Variants in TMEM63C observed in about 807,000 individuals in gnomAD.
The protein encoded by TMEM63C is osmosensitive cation channel TMEM63C.
Under a neutral mutation model 99.2 loss-of-function variants are expected in TMEM63C, and 32 were observed. That is an observed-to-expected ratio of 0.32 (90% CI 0.24 to 0.43). TMEM63C has a LOEUF of 0.43. Ranked by LOEUF, TMEM63C falls within the 20% of genes least tolerant of loss-of-function variation. TMEM63C has a pLI of 1.00. For synonymous variants in TMEM63C, 376 were observed against 397.9 expected, an observed-to-expected ratio of 0.94 and a Z score of 0.66; for missense variants, 826 against 1,053.0, an observed-to-expected ratio of 0.78 and a Z score of 2.98.
intron 6 of TMEM63C, among the ~76,000 whole-genome samples, chr14:77,228,446 A>C (rs1373299152): frequency 6.6e-6 from 1 of 152,198 alleles, no homozygotes; most frequent in African/African-American, 2.4e-5. Context: ...TTAGCCGCTC[A>C]AAGTTAAAAA....
intron 1 of TMEM63C, among the ~76,000 whole-genome samples, chr14:77,206,356 C>A (rs1888402039): frequency 6.6e-6 from 1 of 152,206 alleles, no homozygotes; most frequent in Non-Finnish European, 1.5e-5. Context: ...CTGTAGTCAG[C>A]ACAGTACCAC....
chr14:77,188,764 G>T (rs192945161), intron 1 of TMEM63C, among the ~76,000 whole-genome samples: 55 of 152,276 alleles, frequency 3.6e-4, no homozygotes, highest in African/African-American at 1.2e-3. Flanking sequence ...TACTTGGGAG[G>T]CTGAGGTGGG....
intron 6 of TMEM63C, 52 bp downstream of exon 6, chr14:77,225,513 G>A (rs914395202): frequency 6.2e-7 from 1 of 1,600,592 alleles, no homozygotes; most frequent in Non-Finnish European, 8.5e-7. Context: ...GGGGGTGGGG[G>A]GTGGAGGCTC....
At chr14:77,238,639 TG>T in intron 9 of TMEM63C, 54 bp from the exon 10 acceptor site, 1 of 1,457,236 alleles carries the variant, frequency 6.9e-7, no homozygotes, top group Non-Finnish European at 9.6e-7. Flanking sequence ...CTGAGGTGTC[TG>T]GAATTCCTAT....
intron 6 of TMEM63C, 88 bp from the exon 7 acceptor site, chr14:77,231,500 C>A: frequency 1.4e-6 from 2 of 1,416,384 alleles, no homozygotes; most frequent in South Asian, 2.6e-5. Context: ...AGGGGGTGAT[C>A]ATTTTCTGCC....
intron 6 of TMEM63C, among the ~76,000 whole-genome samples, chr14:77,228,005 G>A (rs1566625448): frequency 6.6e-6 from 1 of 152,194 alleles, no homozygotes; most frequent in Non-Finnish European, 1.5e-5. Context: ...GTAGTTTACA[G>A]GGAAGAGGTG....
intron 1 of TMEM63C, among the ~76,000 whole-genome samples, chr14:77,191,542 T>TTC (rs1888109887): frequency 6.4e-5 from 4 of 62,384 alleles, no homozygotes; most frequent in Admixed American, 3.1e-4. Context: ...CTTTTTCTTT[T>TTC]TTTTTTTTTT....
Position 77,238,726 on chromosome 14 carries a change from C to T in TMEM63C, c.684C>T (p.Pro228=), listed in dbSNP as rs759836967. The T allele has an allele frequency of 6.2e-7, 1 of 1,613,954 alleles. No homozygotes were observed. The highest frequency in any genetic ancestry group is 1.3e-5 in the African/African-American group (1 of 75,044). The part of the protein sequence containing the change: ...VTRTLMITYV[P]KDIEDPELII... ...GGACACTAATGATCACCTATGTGCC[C>T]AAGGACATTGAAGACCCAGAACTCA... The change falls in exon 10 of 24, where the codon CCC becomes CCT. Residue 228 remains proline (P), a synonymous_variant. Transcript: ENST00000298351.
chr14:77,203,109 G>A (rs1888330383), intron 1 of TMEM63C, among the ~76,000 whole-genome samples: 1 of 152,182 alleles, frequency 6.6e-6, no homozygotes, highest in South Asian at 2.1e-4. Context: ...TGGGCGTGGT[G>A]GCTTATCCCT....
intron 1 of TMEM63C, among the ~76,000 whole-genome samples, chr14:77,196,836 G>C (rs1888223464): frequency 6.6e-6 from 1 of 152,168 alleles, no homozygotes; most frequent in Admixed American, 6.5e-5. Flanking sequence ...AAACAGCGCG[G>C]GAAGCCCTTT....
chr14:77,227,450 T>C (rs774239556), intron 6 of TMEM63C, among the ~76,000 whole-genome samples: 7 of 152,110 alleles, frequency 4.6e-5, no homozygotes, highest in Admixed American at 1.3e-4. Context: ...TGATGAGATG[T>C]AGTCAGGGCA....
At position 77,242,919 on chromosome 14, in the gene TMEM63C, C is replaced by T. The variant is rs777137473; in HGVS notation, c.1204C>T (p.Arg402Cys). The change falls in exon 15 of 24, where the codon CGC becomes TGC. Residue 402 changes from arginine (R) to cysteine (C), a missense_variant. Physicochemically the swap from Arg to Cys is radical, Grantham distance 180. Coordinates refer to ENST00000298351, the MANE Select transcript of TMEM63C (RefSeq NM_020431.4). ...KDIIWKHLSV[R>C]RFFWWARFIA... ...CTTCCCCAGGAAACACCTGTCTGTCCGCCGCTTCTTTTGGTGGGCCCGCTT... is the reference window on the plus strand; with the variant it reads ...CTTCCCCAGGAAACACCTGTCTGTCTGCCGCTTCTTTTGGTGGGCCCGCTT... 7.6e-5 allele frequency: 122 copies of T among 1,613,890 alleles called. No homozygotes were observed. The highest frequency in any genetic ancestry group is 8.2e-5 in the Non-Finnish European group (97 of 1,179,906).
chr14:77,249,009 G>C, intron 20 of TMEM63C, 137 bp downstream of exon 20: 1 of 863,844 alleles, frequency 1.2e-6, no homozygotes, highest in Admixed American at 1.9e-5. Context: ...GGGCCAAGCT[G>C]GGGGTACAGG....
intron 13 of TMEM63C, among the ~76,000 whole-genome samples, chr14:77,241,661 A>C (rs1889178687): frequency 6.6e-6 from 1 of 152,212 alleles, no homozygotes; most frequent in Non-Finnish European, 1.5e-5. Flanking sequence ...TTTATCTGGC[A>C]AATTTGGTTA....
chr14:77,184,738 G>C (rs4270100), intron 1 of TMEM63C, among the ~76,000 whole-genome samples: 1 of 152,310 alleles, frequency 6.6e-6, no homozygotes, highest in South Asian at 2.1e-4. Flanking sequence ...TTACACATCA[G>C]CATGGGTGGT....
At chr14:77,252,623 T>C (rs540732620) in intron 22 of TMEM63C, among the ~76,000 whole-genome samples, 1 of 152,384 alleles carries the variant, frequency 6.6e-6, no homozygotes, top group South Asian at 2.1e-4. Context: ...CTGTTTATAA[T>C]AGTGAATTGT....
At chr14:77,213,110 G>T (rs1447396666) in intron 1 of TMEM63C, among the ~76,000 whole-genome samples, 6 of 152,164 alleles carry the variant, frequency 3.9e-5, no homozygotes, top group Admixed American at 6.5e-5. Context: ...TCCTCAAAAC[G>T]TTATATTCAG....
In TMEM63C at chr14:77,236,608, G is replaced by C. The variant is rs768190692; in HGVS notation, c.543-16G>C. ...CTCACAGGCTGACCTCACTGCTGCTGCCTCCCTCCCTGCAGGAGCAAGCTC... is the reference window on the plus strand; with the variant it reads ...CTCACAGGCTGACCTCACTGCTGCTCCCTCCCTCCCTGCAGGAGCAAGCTC... On this transcript the variant is annotated splice_polypyrimidine_tract_variant and intron_variant, in intron 8 of 23. Coordinates refer to ENST00000298351, the MANE Select transcript of TMEM63C (RefSeq NM_020431.4). 7.6e-6 allele frequency: 12 copies of C among 1,588,726 alleles called. No homozygotes were observed. The highest frequency in any genetic ancestry group is 4.0e-5 in the African/African-American group (3 of 74,198).
Position 77,251,786 on chromosome 14 carries a change from C to T in TMEM63C, c.2039-3C>T, listed in dbSNP as rs1225373752. ...GCCCATGACTTTTTCTCCTCCTCGGCAGGTTCTCTCCACGCCATCACCATC... is the reference window on the plus strand; with the variant it reads ...GCCCATGACTTTTTCTCCTCCTCGGTAGGTTCTCTCCACGCCATCACCATC... On this transcript the variant is annotated splice_polypyrimidine_tract_variant and splice_region_variant and intron_variant, in intron 21 of 23. Transcript: ENST00000298351. 13 of 1,612,916 alleles carry T rather than the reference C, an allele frequency of 8.1e-6. No individual in the cohort carries two copies. Among genetic ancestry groups the T allele is most frequent in the Admixed American group, 1.7e-5 (1 of 60,020 alleles).
Sources: gnomAD v4.1 joint callset for allele counts (sites outside exome capture counted in the v4.1 genomes callset) on GRCh38, gnomAD v4.1.1 for gene constraint, MANE v1.5 for transcripts, NCBI Gene and HGNC (gene_info 2026-07-23, HGNC 2026-07-21) for gene names.